KLHL5: variants seen among roughly 807,000 people sequenced by gnomAD.
KLHL5 encodes the protein kelch-like protein 5.
In KLHL5, 48 loss-of-function variants were observed where a neutral mutation model predicts 77.7. That is an observed-to-expected ratio of 0.62 (90% CI 0.49 to 0.79). KLHL5 has a LOEUF of 0.79. Among genes scored for constraint, KLHL5 ranks in the 30% least tolerant of loss-of-function variants. The pLI is 0.00. For synonymous variants in KLHL5, 260 were observed against 297.0 expected (o/e 0.88, Z 1.28); for missense variants, 723 against 859.7 (o/e 0.84, Z 1.99).
At position 39,082,239 on chromosome 4, in the gene KLHL5, G is replaced by C. The variant is rs115570800; in HGVS notation, c.900+80G>C. On this transcript the variant is annotated intron_variant, in intron 4 of 10. Transcript: ENST00000504108. ...GTTGCAGGCTTATCTGCATGTTACT[G>C]TTTTCCCATGGCTCTGCCACGTGTC... The C allele has an allele frequency of 3.5e-6, 4 of 1,131,966 alleles. No homozygotes were observed. The Admixed American group carries it at 7.5e-5, about 21-fold the overall frequency. The allele number at this position is 1,131,966 out of a possible 1,614,324, so 70.1% of individuals were successfully genotyped here. A position where few individuals can be genotyped will look rare whatever the true frequency, so the allele number is the denominator to read the frequency against.
chr4:39,133,586 T>C, the KLHL5 span, among the ~76,000 whole-genome samples: 5 of 146,582 alleles, frequency 3.4e-5, no homozygotes, highest in East Asian at 2.0e-4. Flanking sequence ...AAAAAAAAAG[T>C]TTTTAATTAA....
intron 4 of KLHL5, among the ~76,000 whole-genome samples, chr4:39,084,264 T>TA (rs1409368068): frequency 2.0e-5 from 3 of 152,056 alleles, no homozygotes; most frequent in Admixed American, 2.0e-4. Flanking sequence ...ATACAAGTGG[T>TA]AAAAAATGAG....
At position 39,081,238 on chromosome 4, in the gene KLHL5, A is replaced by G; in HGVS notation, c.702A>G (p.Thr234=). The G allele has an allele frequency of 6.3e-7, 1 of 1,591,624 alleles. No individual in the cohort carries two copies. The highest frequency in any genetic ancestry group is 8.5e-7 in the Non-Finnish European group (1 of 1,171,712). ...GGTCCTTGATCCAGTATGCTTATAC[A>G]GGTAACGAGTCTGAAAATGTAAATT... ...SLWSLIQYAY[T]GRLELKEDNI... The change falls in exon 3 of 11, where the codon ACA becomes ACG. Residue 234 remains threonine, a splice_region_variant and synonymous_variant. Transcript: ENST00000504108. This position sits in a 1 kb window ranked among gnomAD's most constrained non-coding sequence, Gnocchi z 4.3.
upstream of KLHL5, chr4:39,062,191 G>A: frequency 1.0e-6 from 1 of 963,644 alleles, no homozygotes; most frequent in Non-Finnish European, 1.3e-6. Context: ...TATTGTTTCA[G>A]CAATGAAAGA....
the KLHL5 span, among the ~76,000 whole-genome samples, chr4:39,139,789 T>C: frequency 1.3e-5 from 2 of 152,222 alleles, no homozygotes; most frequent in Non-Finnish European, 2.9e-5. Flanking sequence ...CTGCCAAAGA[T>C]GCATAATCTG....
In KLHL5 at chr4:39,115,565, A is replaced by C; in HGVS notation, c.2073+235A>C. The C allele has an allele frequency of 3.4e-6, 5 of 1,450,584 alleles. No homozygotes were observed. The South Asian group carries it at 6.0e-5, about 17-fold the overall frequency. The allele number at this position is 1,450,584 out of a possible 1,614,324, so 89.9% of individuals were successfully genotyped here. ...TCAGAGAAATTATTAATTATCTGCT[A>C]CCACTTGCATGATGAAGTGTTCTAG... On this transcript the variant is annotated intron_variant, in intron 10 of 10. Transcript: ENST00000504108.
the KLHL5 span, chr4:39,135,429 T>C: frequency 1.3e-5 from 2 of 152,302 alleles, no homozygotes; most frequent in Non-Finnish European, 2.9e-5. Context: ...AGCTAATCAG[T>C]AGTGGGCGGG....
intron 10 of KLHL5, chr4:39,120,232 C>A (rs1482785083): frequency 6.6e-6 from 1 of 152,192 alleles, no homozygotes; most frequent in African/African-American, 2.4e-5. Context: ...TTCTTCAGAA[C>A]TATTTTTGTC....
intron 1 of KLHL5, among the ~76,000 whole-genome samples, chr4:39,075,346 A>AAG (rs1474185710): frequency 3.9e-5 from 6 of 152,036 alleles, no homozygotes; most frequent in African/African-American, 1.4e-4. Flanking sequence ...AAAAAAAAAA[A>AAG]AAAGAAAGAA....
In KLHL5 at chr4:39,076,104, G is replaced by A. The variant is rs759924694; in HGVS notation, c.523G>A (p.Asp175Asn). 1.0e-5 allele frequency: 16 copies of A among 1,607,082 alleles called. No homozygotes were observed. Among genetic ancestry groups the A allele is most frequent in the Non-Finnish European group, 1.4e-5 (16 of 1,178,250 alleles). ...ENYLRHKQLC[D>N]VILVAGDRRI... ...CTATTTGAGACATAAACAGTTGTGT[G>A]ATGTAATTTTAGTCGCTGGTGATCG... The change falls in exon 2 of 11, where the codon GAT becomes AAT. Residue 175 changes from aspartate to asparagine, a missense_variant. Asp to Asn is a conservative substitution (Grantham distance 23). Coordinates refer to ENST00000504108, the MANE Select transcript of KLHL5 (RefSeq NM_015990.5).
rs776566937 is a variant in KLHL5, at chr4:39,062,910, C to T, written c.258C>T (p.Ser86=). The change falls in exon 1 of 11, where the codon TCC becomes TCT. Residue 86 remains serine (S), a synonymous_variant. Transcript: ENST00000504108. Reference sequence around the variant, plus strand: ...ATTCACCTTCTTGGCCAATGGCATCCACCTCTGAAGTCCCTGCATTTGAGT... The same window carrying T: ...ATTCACCTTCTTGGCCAATGGCATCTACCTCTGAAGTCCCTGCATTTGAGT... ...FQNSPSWPMA[S]TSEVPAFEFT... is the part of the protein sequence containing the mutation. 6.2e-6 allele frequency: 10 copies of T among 1,614,172 alleles called. No individual in the cohort carries two copies. Among genetic ancestry groups the T allele is most frequent in the South Asian group, 1.1e-5 (1 of 91,084 alleles).
chr4:39,131,115 A>G (rs993116807), downstream of KLHL5, among the ~76,000 whole-genome samples: 22 of 152,032 alleles, frequency 1.4e-4, no homozygotes, highest in East Asian at 2.9e-3. Flanking sequence ...GGCCTCCCAA[A>G]GTGCTAGGAT....
chr4:39,101,841 G>A, intron 6 of KLHL5, among the ~76,000 whole-genome samples: 1 of 91,670 alleles, frequency 1.1e-5, no homozygotes. Context: ...GCAACAGTCT[G>A]TCTCAAAAAA....
intron 4 of KLHL5, among the ~76,000 whole-genome samples, chr4:39,084,314 C>T (rs573249455): frequency 2.0e-5 from 3 of 152,148 alleles, no homozygotes; most frequent in African/African-American, 4.8e-5. Flanking sequence ...AACCTGTTTT[C>T]TCATTCTGCC....
chr4:39,129,120 C>T (rs1261741726), downstream of KLHL5, among the ~76,000 whole-genome samples: 1 of 150,286 alleles, frequency 6.7e-6, no homozygotes, highest in Non-Finnish European at 1.5e-5. The surrounding 1 kb of genome is among the most constrained non-coding windows in gnomAD (Gnocchi z 4.2). Flanking sequence ...ATTAACTAAG[C>T]GGTCTATTTT....
chr4:39,072,550 A>C (rs1287782617), intron 1 of KLHL5, among the ~76,000 whole-genome samples: 1 of 152,204 alleles, frequency 6.6e-6, no homozygotes, highest in Non-Finnish European at 1.5e-5. Context: ...CCCCAAGAGA[A>C]TACTGAACAC....
chr4:39,080,966 A>G, intron 2 of KLHL5, 137 bp from the exon 3 acceptor site: 1 of 776,498 alleles, frequency 1.3e-6, no homozygotes, highest in Admixed American at 3.3e-5. Flanking sequence ...TAGAGCATAA[A>G]GCAATTTGTC....
intron 6 of KLHL5, among the ~76,000 whole-genome samples, chr4:39,098,150 A>T (rs1201318348): frequency 1.3e-5 from 2 of 151,590 alleles, no homozygotes; most frequent in African/African-American, 2.4e-5. Context: ...AAAAAAAAAA[A>T]AAGTTAATTT....
chr4:39,081,180 TA>T lies in KLHL5; in HGVS notation c.649del (p.Met217TrpfsTer4). 3 of 1,612,762 alleles carry T rather than the reference TA, an allele frequency of 1.9e-6. No individual in the cohort carries two copies. The highest frequency in any genetic ancestry group is 2.5e-6 in the Non-Finnish European group (3 of 1,179,386). On this transcript the variant is annotated frameshift_variant, in exon 3 of 11. Coordinates refer to ENST00000504108, the MANE Select transcript of KLHL5 (RefSeq NM_015990.5). LOFTEE classifies it high-confidence loss of function. The surrounding 1 kb of genome is among the most constrained non-coding windows in gnomAD (Gnocchi z 4.3). ...NDVREARQEE[I>X]KMEGVEPNSL... ...GTCAGAGAGGCAAGACAAGAAGAAA[TA>T]AAAATGGAAGGTGTAGAACCAAATT...
Sources: gnomAD v4.1 joint callset for allele counts (sites outside exome capture counted in the v4.1 genomes callset) on GRCh38, gnomAD v4.1.1 for gene constraint, Gnocchi (gnomAD v3.1) non-coding constraint, MANE v1.5 for transcripts, NCBI Gene and HGNC (gene_info 2026-07-23, HGNC 2026-07-21) for gene names.